Variants in RIMS2 observed in about 807,000 individuals in gnomAD.
RIMS2 encodes the protein regulating synaptic membrane exocytosis 2.
Under a neutral mutation model 174.4 loss-of-function variants are expected in RIMS2, and 59 were observed. That is an observed-to-expected ratio of 0.34 (90% CI 0.27 to 0.42). The LOEUF is 0.42. Ranked by LOEUF, RIMS2 falls within the 10% of genes least tolerant of loss-of-function variation. RIMS2 has a pLI of 1.00. For synonymous variants in RIMS2, 606 were observed against 572.5 expected (o/e 1.06, Z -0.84); for missense variants, 1,620 against 1,666.3 (o/e 0.97, Z 0.48).
chr8:103,786,106 T>A (rs3110464), intron 3 of RIMS2, among the ~76,000 whole-genome samples: 90 of 151,840 alleles, frequency 5.9e-4, no homozygotes, highest in Middle Eastern at 3.4e-3. Flanking sequence ...TCTGTGGGAT[T>A]GGTGGTGATA....
At chr8:103,938,934 T>C (rs1000022430) in intron 13 of RIMS2, among the ~76,000 whole-genome samples, 1 of 152,162 alleles carries the variant, frequency 6.6e-6, no homozygotes, top group Non-Finnish European at 1.5e-5. Context: ...AAGAGGTGGG[T>C]TCCCATGGTC....
intron 2 of RIMS2, among the ~76,000 whole-genome samples, chr8:103,757,085 A>G (rs545372716): frequency 1.3e-5 from 2 of 151,948 alleles, no homozygotes; most frequent in South Asian, 2.1e-4. Context: ...AGCATCTCCA[A>G]TACAGTGTAG....
At chr8:103,558,075 T>A (rs962660093) in intron 1 of RIMS2, among the ~76,000 whole-genome samples, 12 of 152,296 alleles carry the variant, frequency 7.9e-5, no homozygotes, top group African/African-American at 2.4e-4. Flanking sequence ...TTTATTTTTT[T>A]AACAAGTCAG....
intron 19 of RIMS2, among the ~76,000 whole-genome samples, chr8:104,118,676 T>C (rs1250823335): frequency 6.6e-6 from 1 of 152,082 alleles, no homozygotes; most frequent in African/African-American, 2.4e-5. Context: ...ACCAAAATTC[T>C]TAAGTTTTCA....
intron 19 of RIMS2, among the ~76,000 whole-genome samples, chr8:104,157,735 G>C (rs1316250687): frequency 6.6e-6 from 1 of 152,088 alleles, no homozygotes; most frequent in Non-Finnish European, 1.5e-5. Context: ...GTAGGCACTT[G>C]GGTTCCTTCA....
intron 10 of RIMS2, among the ~76,000 whole-genome samples, chr8:103,923,415 G>A (rs2078112916): frequency 1.3e-5 from 2 of 151,820 alleles, no homozygotes; most frequent in Non-Finnish European, 3.0e-5. Flanking sequence ...TTACAGATTG[G>A]ACTAGGAGGG....
At chr8:104,252,159 C>T (rs149242528), downstream of RIMS2, 990 of 288,640 alleles carry the variant, frequency 3.4e-3, 7 homozygotes, top group Non-Finnish European at 4.1e-3. Context: ...TTTTATCATT[C>T]CTTTTTCTTC....
intron 19 of RIMS2, among the ~76,000 whole-genome samples, chr8:104,150,094 C>T (rs2098676967): frequency 6.6e-6 from 1 of 151,712 alleles, no homozygotes; most frequent in Non-Finnish European, 1.5e-5. Flanking sequence ...TACATGTTGG[C>T]CTTTTGAAAT....
At chr8:103,803,316 A>G (rs2098628152) in intron 3 of RIMS2, among the ~76,000 whole-genome samples, 1 of 152,168 alleles carries the variant, frequency 6.6e-6, no homozygotes, top group Non-Finnish European at 1.5e-5. Flanking sequence ...AACTAGTGTT[A>G]TGTGTCAAAT....
intron 19 of RIMS2, among the ~76,000 whole-genome samples, chr8:104,119,699 C>T (rs1352851080): frequency 1.3e-5 from 2 of 152,120 alleles, no homozygotes; most frequent in Non-Finnish European, 2.9e-5. Context: ...GTATTGTCAA[C>T]TTCTACCCAA....
intron 19 of RIMS2, among the ~76,000 whole-genome samples, chr8:104,033,956 A>T (rs2096456380): frequency 6.6e-6 from 1 of 152,174 alleles, no homozygotes; most frequent in South Asian, 2.1e-4. Flanking sequence ...AAGTGCATTT[A>T]TGATATTAAT....
At chr8:103,610,199 TG>T (rs2095318205) in intron 1 of RIMS2, among the ~76,000 whole-genome samples, 2 of 152,302 alleles carry the variant, frequency 1.3e-5, no homozygotes, top group African/African-American at 2.4e-5. Context: ...GAAACCTTGC[TG>T]AAGTTGTTTA....
chr8:103,639,804 C>G (rs996116606), intron 1 of RIMS2, among the ~76,000 whole-genome samples: 3 of 151,842 alleles, frequency 2.0e-5, no homozygotes, highest in African/African-American at 7.2e-5. Flanking sequence ...TGACTACATA[C>G]CTAGAAAGTG....
At chr8:104,061,244 T>A (rs185238390) in intron 19 of RIMS2, among the ~76,000 whole-genome samples, 1 of 152,282 alleles carries the variant, frequency 6.6e-6, no homozygotes, top group African/African-American at 2.4e-5. Flanking sequence ...GCTTTATGAA[T>A]CTGGGTGCTC....
chr8:103,965,024 G>A lies in RIMS2; in HGVS notation c.2770+3891G>A, dbSNP rs183656571. 6.0e-4 allele frequency among the ~76,000 whole-genome samples: 91 copies of A among 152,136 alleles called. 1 individual carries two copies. The highest frequency in any genetic ancestry group is 3.4e-3 in the Middle Eastern group (1 of 294). On this transcript the variant is annotated intron_variant, in intron 15 of 23. Coordinates refer to ENST00000504942, the Ensembl canonical transcript of RIMS2. ...GTTCCATTGATTTATTTGTCTATTC[G>A]TTGACCAAAGAGTACCACAGTGTCC...
intron 2 of RIMS2, among the ~76,000 whole-genome samples, chr8:103,759,087 A>G (rs1564534505): frequency 6.6e-6 from 1 of 152,162 alleles, no homozygotes; most frequent in Non-Finnish European, 1.5e-5. Flanking sequence ...GATTAGAGGT[A>G]TGTTCCAGTC....
intron 1 of RIMS2, among the ~76,000 whole-genome samples, chr8:103,519,114 G>A (rs1029540793): frequency 2.6e-5 from 4 of 151,958 alleles, no homozygotes; most frequent in African/African-American, 7.3e-5. Context: ...TGTTTCTGGA[G>A]CATTGAAGGG....
At chr8:103,919,255 G>A (rs369035444) in intron 9 of RIMS2, among the ~76,000 whole-genome samples, 9 of 152,110 alleles carry the variant, frequency 5.9e-5, no homozygotes, top group African/African-American at 1.9e-4. Flanking sequence ...TGCCTGGGGG[G>A]AAATCTTTCC....
At chr8:104,040,461 T>G (rs1267957949) in intron 19 of RIMS2, among the ~76,000 whole-genome samples, 2 of 151,708 alleles carry the variant, frequency 1.3e-5, no homozygotes, top group African/African-American at 4.8e-5. Flanking sequence ...AAATGTTATT[T>G]GAACTTCTTC....
Sources: gnomAD v4.1 joint callset for allele counts (sites outside exome capture counted in the v4.1 genomes callset) on GRCh38, gnomAD v4.1.1 for gene constraint, MANE v1.5 for transcripts, NCBI Gene and HGNC (gene_info 2026-07-23, HGNC 2026-07-21) for gene names.